The following MX1 variants were observed in gnomAD, a reference collection of about 807,000 sequenced individuals.
MX1 encodes interferon-induced GTP-binding protein Mx1.
In MX1, 66 loss-of-function variants were observed where a neutral mutation model predicts 66.4. That is an observed-to-expected ratio of 0.99 (90% CI 0.82 to 1.22). The LOEUF is 1.22. Ranked by LOEUF, MX1 falls within the 50% of genes most tolerant of loss-of-function variation. The pLI is 0.00. For missense variants in MX1, 787 were observed against 834.3 expected (o/e 0.94, Z 0.70); for synonymous variants, 311 against 318.1 (o/e 0.98, Z 0.24).
chr21:41,439,360 G>A (rs2090443952), intron 7 of MX1, among the ~76,000 whole-genome samples: 1 of 152,086 alleles, frequency 6.6e-6, no homozygotes, highest in South Asian at 2.1e-4. Flanking sequence ...TTGCTTGGTT[G>A]CTAATTTCCT....
rs1568982513 is a variant in MX1, at chr21:41,441,905, C to G, written c.920C>G (p.Pro307Arg). The G allele has an allele frequency of 3.7e-6, 6 of 1,614,082 alleles. No homozygotes were observed. The highest frequency in any genetic ancestry group is 4.2e-6 in the Non-Finnish European group (5 of 1,180,008). The change falls in exon 10 of 17, where the codon CCA becomes CGA. Residue 307 changes from proline (P) to arginine (R), a missense_variant. Physicochemically the swap from Pro to Arg is moderately radical, Grantham distance 103. Transcript: ENST00000398598. This position sits in a 1 kb window ranked among gnomAD's most constrained non-coding sequence, Gnocchi z 4.0. ...GAGAAGATCTTCTTTGAGAACCACCCATATTTCAGGTGCGCTTGCCTGGGT... is the reference window on the plus strand; with the variant it reads ...GAGAAGATCTTCTTTGAGAACCACCGATATTTCAGGTGCGCTTGCCTGGGT... ...QREKIFFENHPYFRDLLEEGK... is the reference protein window; with the variant it reads ...QREKIFFENHRYFRDLLEEGK...
At chr21:41,442,509 C>A (rs2090549008) in intron 10 of MX1, among the ~76,000 whole-genome samples, 1 of 151,992 alleles carries the variant, frequency 6.6e-6, no homozygotes, top group Non-Finnish European at 1.5e-5. Flanking sequence ...TCCCTCCTAC[C>A]AAAAGTGACA....
Position 41,432,120 on chromosome 21 carries a change from C to A in MX1, c.50C>A (p.Ser17Tyr). 1 of 1,614,154 alleles carries A rather than the reference C, an allele frequency of 6.2e-7. No individual in the cohort carries two copies. Among genetic ancestry groups the A allele is most frequent in the Admixed American group, 1.7e-5 (1 of 60,030 alleles). Residue 17 changes from serine to tyrosine, a missense_variant, in exon 5 of 17, where the codon TCC (serine) becomes TAC (tyrosine). Ser to Tyr is a moderately radical substitution (Grantham distance 144). Transcript: ENST00000398598. Reference protein sequence around the residue: ...DIAKADPAAASHPLLLNGDAT... With the variant: ...DIAKADPAAAYHPLLLNGDAT... ...GCAAAAGCTGATCCAGCTGCTGCATCCCACCCTCTATTACTGAATGGAGAT... is the reference window on the plus strand; with the variant it reads ...GCAAAAGCTGATCCAGCTGCTGCATACCACCCTCTATTACTGAATGGAGAT...
chr21:41,456,980 T>G (rs13050483), intron 16 of MX1, among the ~76,000 whole-genome samples: 19,472 of 152,210 alleles, frequency 0.13, 1,488 homozygotes, highest in East Asian at 0.18. Context: ...CAGGCTGGTC[T>G]TGAACGCCTG....
At chr21:41,424,245 G>GTGTGTGTGTGTGTA, upstream of MX1, among the ~76,000 whole-genome samples, 1 of 151,960 alleles carries the variant, frequency 6.6e-6, no homozygotes, top group African/African-American at 2.4e-5. Flanking sequence ...GTGTGTGTGT[G>GTGTGTGTGTGTGTA]TGTGTGTGTG....
upstream of MX1, among the ~76,000 whole-genome samples, chr21:41,425,789 G>C (rs959174299): frequency 6.6e-6 from 1 of 152,104 alleles, no homozygotes; most frequent in East Asian, 1.9e-4. Flanking sequence ...GACGGAGTTC[G>C]GGACAAGAGG....
At chr21:41,440,817 G>A (rs2090484329) in intron 8 of MX1, 70 bp from the exon 9 acceptor site, 2 of 1,588,498 alleles carry the variant, frequency 1.3e-6, no homozygotes, top group South Asian at 2.2e-5. Context: ...CAAGTGCAAG[G>A]TCAGGACTTG....
chr21:41,445,814 C>G, intron 12 of MX1, 186 bp from the exon 13 acceptor site: 2 of 847,578 alleles, frequency 2.4e-6, no homozygotes, highest in Non-Finnish European at 3.6e-6. Flanking sequence ...TCACCCAGAT[C>G]CCTAAGGCAG....
chr21:41,454,714 C>T (rs1274176061), intron 16 of MX1, among the ~76,000 whole-genome samples: 1 of 152,026 alleles, frequency 6.6e-6, no homozygotes, highest in African/African-American at 2.4e-5. Flanking sequence ...CAGGTAGAGC[C>T]CTTGGGATGT....
chr21:41,424,796 G>T (rs776835631), upstream of MX1, among the ~76,000 whole-genome samples: 2 of 152,190 alleles, frequency 1.3e-5, no homozygotes, highest in Non-Finnish European at 2.9e-5. Context: ...TTTAATTCGG[G>T]CCAACAGCAG....
chr21:41,437,168 T>C lies in MX1; in HGVS notation c.436+16T>C. The stretch of plus-strand genomic sequence containing the variant: ...ATTAATAAAGGTGAGTACCCCCTGT[T>C]TGGATGCCTGGTCAAGCCTTCTGAC... On this transcript the variant is annotated intron_variant, in intron 7 of 16. Transcript: ENST00000398598. 6.2e-7 allele frequency: 1 copy of C among 1,613,686 alleles called. No individual in the cohort carries two copies. The highest frequency in any genetic ancestry group is 1.3e-5 in the African/African-American group (1 of 74,974).
intron 14 of MX1, among the ~76,000 whole-genome samples, chr21:41,450,314 T>C (rs935208542): frequency 6.6e-6 from 1 of 152,192 alleles, no homozygotes; most frequent in Non-Finnish European, 1.5e-5. Flanking sequence ...CTTTGCTTTC[T>C]TGGTTTTCCA....
At chr21:41,448,784 T>C (rs2090736070) in intron 13 of MX1, among the ~76,000 whole-genome samples, 1 of 151,904 alleles carries the variant, frequency 6.6e-6, no homozygotes, top group Admixed American at 6.6e-5. Context: ...CCAGCCTGGG[T>C]GACAGAGCGA....
chr21:41,445,779 C>T (rs2090644612), intron 12 of MX1: 11 of 817,758 alleles, frequency 1.3e-5, no homozygotes, highest in East Asian at 2.7e-5. Context: ...GCTCAGGCTG[C>T]GTTGTGCCTA....
intron 16 of MX1, among the ~76,000 whole-genome samples, chr21:41,453,742 C>T (rs977696503): frequency 2.6e-5 from 4 of 152,060 alleles, no homozygotes; most frequent in Non-Finnish European, 5.9e-5. Context: ...AATCATAAAT[C>T]AATACATGGG....
rs368071482 is a variant in MX1, at chr21:41,452,618, T to C, written c.1510-3T>C. On this transcript the variant is annotated splice_region_variant and splice_polypyrimidine_tract_variant and intron_variant, in intron 15 of 16. Transcript: ENST00000398598. Reference sequence around the variant, plus strand: ...AACTGTATTTATTTATTTTTTACTGTAGTCCAAAATTGAAGACATTAGAGC... The same window carrying C: ...AACTGTATTTATTTATTTTTTACTGCAGTCCAAAATTGAAGACATTAGAGC... The C allele has an allele frequency of 2.5e-6, 4 of 1,590,978 alleles. No individual in the cohort carries two copies. Among genetic ancestry groups the C allele is most frequent in the Non-Finnish European group, 3.4e-6 (4 of 1,170,314 alleles).
chr21:41,454,373 CAG>C (rs72231196), intron 16 of MX1, among the ~76,000 whole-genome samples: 2,445 of 152,170 alleles, frequency 0.016, 65 homozygotes, highest in African/African-American at 0.056. Flanking sequence ...CTTACTACTC[CAG>C]AGTCTTTTTG....
At chr21:41,453,466 C>A (rs1333950508) in intron 16 of MX1, among the ~76,000 whole-genome samples, 2 of 152,208 alleles carry the variant, frequency 1.3e-5, no homozygotes, top group African/African-American at 2.4e-5. Flanking sequence ...AGTTACTTAA[C>A]CTCTCTGAGC....
chr21:41,439,548 C>T, intron 7 of MX1, 146 bp from the exon 8 acceptor site: 1 of 796,322 alleles, frequency 1.3e-6, no homozygotes, highest in Non-Finnish European at 2.1e-6. Context: ...TCTCTTTTAT[C>T]CCAATCACAG....
Sources: gnomAD v4.1 joint callset for allele counts (sites outside exome capture counted in the v4.1 genomes callset) on GRCh38, gnomAD v4.1.1 for gene constraint, Gnocchi (gnomAD v3.1) non-coding constraint, MANE v1.5 for transcripts, NCBI Gene and HGNC (gene_info 2026-07-23, HGNC 2026-07-21) for gene names.